IL6R: variants seen among roughly 807,000 people sequenced by gnomAD.
IL6R encodes interleukin 6 receptor, also known as interleukin-6 receptor subunit alpha.
Under a neutral mutation model 48.3 loss-of-function variants are expected in IL6R, and 38 were observed. That is an observed-to-expected ratio of 0.79 (90% CI 0.61 to 1.03). IL6R has a LOEUF of 1.03. Ranked by LOEUF, IL6R falls within the 50% of genes least tolerant of loss-of-function variation. The probability of loss-of-function intolerance (pLI) is 0.00; values close to 1 mark genes in which losing one functional copy is unlikely to be tolerated. For synonymous variants in IL6R, 264 were observed against 256.2 expected (o/e 1.03, Z -0.29); for missense variants, 534 against 618.3 (o/e 0.86, Z 1.45).
intron 7 of IL6R, among the ~76,000 whole-genome samples, chr1:154,448,982 T>C (rs1163259638): frequency 6.9e-6 from 1 of 144,638 alleles, no homozygotes; most frequent in African/African-American, 2.5e-5. Flanking sequence ...CAAGCTCCGT[T>C]TCCCGGGTTC....
At chr1:154,414,297 G>GAA in intron 1 of IL6R, 1 of 698,152 alleles carries the variant, frequency 1.4e-6, no homozygotes, top group Non-Finnish European at 2.3e-6. Flanking sequence ...CACCTTTATT[G>GAA]GAGGAAACCT....
intron 6 of IL6R, among the ~76,000 whole-genome samples, chr1:154,446,134 C>G (rs1218821420): frequency 6.6e-6 from 1 of 152,156 alleles, no homozygotes; most frequent in African/African-American, 2.4e-5. Context: ...TTTAGATACC[C>G]TGGGCTATAA....
intron 8 of IL6R, 125 bp from the exon 9 acceptor site, chr1:154,454,363 G>T (rs1690752591): frequency 1.6e-6 from 1 of 644,242 alleles, no homozygotes; most frequent in Non-Finnish European, 2.8e-6. Flanking sequence ...CTGGGAGGGG[G>T]GTTGGAGGGG....
Position 154,405,458 on chromosome 1 carries a change from A to T in IL6R, c.-172A>T. 1 of 579,768 alleles carries T rather than the reference A, an allele frequency of 1.7e-6. No homozygotes were observed. The highest frequency in any genetic ancestry group is 2.9e-6 in the Non-Finnish European group (1 of 345,756). The allele number at this position is 579,768 out of a possible 1,614,324, so 35.9% of individuals were successfully genotyped here. ...AGGAGCCGAGCGCGGCGCGGGGCCG[A>T]GGGACTCGCAGTGTGTGTAGAGAGC... is the stretch of plus-strand genomic sequence containing the variant. On this transcript the variant is annotated 5_prime_UTR_variant, in exon 1 of 10. Transcript: ENST00000368485. The surrounding 1 kb of genome is among the most constrained non-coding windows in gnomAD (Gnocchi z 5.2).
At chr1:154,463,710 G>A (rs544530538) in intron 9 of IL6R, among the ~76,000 whole-genome samples, 31 of 152,208 alleles carry the variant, frequency 2.0e-4, no homozygotes, top group Admixed American at 1.2e-3. Context: ...GGAAGGGGAC[G>A]TGACTGTGCT....
At chr1:154,460,502 A>G (rs769152335) in intron 9 of IL6R, among the ~76,000 whole-genome samples, 5 of 152,228 alleles carry the variant, frequency 3.3e-5, no homozygotes, top group Non-Finnish European at 7.3e-5. Flanking sequence ...ACATACACAC[A>G]TACATATGTA....
Position 154,466,263 on chromosome 1 carries a change from A to T in IL6R, c.*883A>T, listed in dbSNP as rs1691549356. The T allele has an allele frequency of 6.6e-6, 1 of 152,272 alleles. No individual in the cohort carries two copies. 9.4% of individuals were successfully genotyped at this position (152,272 alleles called of 1,614,324 possible). A position where few individuals can be genotyped will look rare whatever the true frequency, so the allele number is the denominator to read the frequency against. Reference sequence around the variant, plus strand: ...TCTCCACCTCCCACAAAGGAGAGCTAGCAGCAGGGAGGGCTTCTGCCATTT... The same window carrying T: ...TCTCCACCTCCCACAAAGGAGAGCTTGCAGCAGGGAGGGCTTCTGCCATTT... On this transcript the variant is annotated 3_prime_UTR_variant, in exon 10 of 10. Transcript: ENST00000368485.
intron 1 of IL6R, among the ~76,000 whole-genome samples, chr1:154,413,305 G>A (rs1388719553): frequency 6.6e-6 from 1 of 152,198 alleles, no homozygotes; most frequent in Non-Finnish European, 1.5e-5. Flanking sequence ...CGGCCACCCG[G>A]TTACCTTTTG....
chr1:154,410,922 G>T (rs976128755), intron 1 of IL6R, among the ~76,000 whole-genome samples: 1 of 152,186 alleles, frequency 6.6e-6, no homozygotes, highest in African/African-American at 2.4e-5. Flanking sequence ...GCAAGTAGCT[G>T]TGCTAGGCCC....
At chr1:154,441,741 C>T (rs1689946433) in intron 6 of IL6R, among the ~76,000 whole-genome samples, 1 of 152,094 alleles carries the variant, frequency 6.6e-6, no homozygotes, top group South Asian at 2.1e-4. Context: ...ACCTTCAGCT[C>T]TCAAGGCCCA....
In IL6R at chr1:154,465,730, C is replaced by T. The variant is rs957091110; in HGVS notation, c.*350C>T. 2 of 295,788 alleles carry T rather than the reference C, an allele frequency of 6.8e-6. No individual in the cohort carries two copies. The highest frequency in any genetic ancestry group is 4.3e-5 in the African/African-American group (2 of 46,528). 18.3% of individuals were successfully genotyped at this position (295,788 alleles called of 1,614,324 possible). On this transcript the variant is annotated 3_prime_UTR_variant, in exon 10 of 10. Transcript: ENST00000368485. Reference sequence around the variant, plus strand: ...GTGTGGAGAAGCGGCTGGCAGCCCACCCCTCAACACCTCTGCACAAGCTGC... The same window carrying T: ...GTGTGGAGAAGCGGCTGGCAGCCCATCCCTCAACACCTCTGCACAAGCTGC...
intron 9 of IL6R, among the ~76,000 whole-genome samples, chr1:154,461,985 T>G (rs1235086227): frequency 1.3e-5 from 2 of 152,156 alleles, no homozygotes; most frequent in Non-Finnish European, 2.9e-5. Flanking sequence ...TAAACAAAAG[T>G]CTTAGGATCC....
At position 154,466,176 on chromosome 1, in the gene IL6R, C is replaced by G. The variant is rs1691545748; in HGVS notation, c.*796C>G. The G allele has an allele frequency of 6.6e-6, 1 of 152,620 alleles. No homozygotes were observed. Among genetic ancestry groups the G allele is most frequent in the African/African-American group, 2.4e-5 (1 of 41,438 alleles). 9.5% of individuals were successfully genotyped at this position (152,620 alleles called of 1,614,324 possible). A position where few individuals can be genotyped will look rare whatever the true frequency, so the allele number is the denominator to read the frequency against. On this transcript the variant is annotated 3_prime_UTR_variant, in exon 10 of 10. Transcript: ENST00000368485. ...GAGGAGAGGGGCACAGGGTCTCTAC[C>G]ATCCCCTGTAGAGTGGGAGCTGAGT... is the stretch of plus-strand genomic sequence containing the variant.
At chr1:154,429,950 A>C (rs1248267994) in intron 2 of IL6R, among the ~76,000 whole-genome samples, 3 of 151,978 alleles carry the variant, frequency 2.0e-5, no homozygotes, top group Admixed American at 1.3e-4. Flanking sequence ...GCAAGTTCTT[A>C]GCTCCCTCAT....
At chr1:154,451,740 TAGTC>T (rs775488787) in intron 8 of IL6R, among the ~76,000 whole-genome samples, 2 of 152,024 alleles carry the variant, frequency 1.3e-5, no homozygotes, top group Non-Finnish European at 2.9e-5. Context: ...TTCTCCATGT[TAGTC>T]AGGCTGGACT....
At chr1:154,465,034 C>A in intron 9 of IL6R, 100 bp from the exon 10 acceptor site, 1 of 1,448,526 alleles carries the variant, frequency 6.9e-7, no homozygotes, top group South Asian at 1.2e-5. Flanking sequence ...CTGGGCGCGC[C>A]AGGCCACCAG....
At chr1:154,431,315 A>G (rs1315474616) in intron 3 of IL6R, among the ~76,000 whole-genome samples, 1 of 152,216 alleles carries the variant, frequency 6.6e-6, no homozygotes, top group Admixed American at 6.5e-5. Context: ...CCAGAGCCAC[A>G]GTCTCCCTTA....
At chr1:154,439,005 C>T (rs1446507335) in intron 6 of IL6R, among the ~76,000 whole-genome samples, 1 of 151,986 alleles carries the variant, frequency 6.6e-6, no homozygotes, top group African/African-American at 2.4e-5. Flanking sequence ...ATCGTATTGA[C>T]CTGTCCATGG....
Position 154,466,704 on chromosome 1 carries a change from C to A in IL6R, c.*1324C>A. 1 of 158,462 alleles carries A rather than the reference C, an allele frequency of 6.3e-6. No homozygotes were observed. 9.8% of individuals were successfully genotyped at this position (158,462 alleles called of 1,614,324 possible). A position where few individuals can be genotyped will look rare whatever the true frequency, so the allele number is the denominator to read the frequency against. On this transcript the variant is annotated 3_prime_UTR_variant, in exon 10 of 10. Transcript: ENST00000368485. Reference sequence around the variant, plus strand: ...CTCTACAAAAAGCATAAAAATTAGCCAAGTGTGGTAGAGTGTGCCTGAAGT... The same window carrying A: ...CTCTACAAAAAGCATAAAAATTAGCAAAGTGTGGTAGAGTGTGCCTGAAGT...
Sources: allele counts gnomAD v4.1 joint callset (sites outside exome capture counted in the v4.1 genomes callset), GRCh38; gene constraint gnomAD v4.1.1; non-coding constraint Gnocchi (gnomAD v3.1); transcripts MANE v1.5; gene names NCBI Gene and HGNC (gene_info 2026-07-23, HGNC 2026-07-21).